The following ADARB2 variants were observed in gnomAD, a reference collection of about 807,000 sequenced individuals.
ADARB2 encodes adenosine deaminase RNA specific B2 (inactive), also known as inactive double-stranded RNA-specific editase B2.
A neutral mutation model predicts 62.2 loss-of-function variants in ADARB2; 25 were observed. That is an observed-to-expected ratio of 0.40 (90% CI 0.29 to 0.56). ADARB2 has a LOEUF of 0.56. Among genes scored for constraint, ADARB2 ranks in the 20% least tolerant of loss-of-function variants. ADARB2 has a pLI of 0.43. For synonymous variants in ADARB2, 572 were observed against 500.8 expected (o/e 1.14, Z -1.90); for missense variants, 1,071 against 1,077.4 (o/e 0.99, Z 0.08).
At chr10:1,559,223 C>T (rs990484155) in intron 1 of ADARB2, among the ~76,000 whole-genome samples, 6 of 152,218 alleles carry the variant, frequency 3.9e-5, no homozygotes, top group Non-Finnish European at 8.8e-5. Context: ...TGGAAATACA[C>T]ATTGCTGTGG....
At chr10:1,705,457 G>C (rs991613026) in intron 1 of ADARB2, among the ~76,000 whole-genome samples, 13 of 152,244 alleles carry the variant, frequency 8.5e-5, no homozygotes, top group Admixed American at 8.5e-4. Flanking sequence ...AGCAGCAGGA[G>C]GAGAGGCGGC....
At chr10:1,571,114 A>G (rs1392431135) in intron 1 of ADARB2, among the ~76,000 whole-genome samples, 1 of 152,138 alleles carries the variant, frequency 6.6e-6, no homozygotes, top group South Asian at 2.1e-4. Context: ...ATAATTTTTA[A>G]TGCACTCAGA....
chr10:1,310,223 C>A (rs776871996), intron 3 of ADARB2, among the ~76,000 whole-genome samples: 11 of 152,298 alleles, frequency 7.2e-5, no homozygotes, highest in Middle Eastern at 3.4e-3. Flanking sequence ...TTTGCATTTA[C>A]GCAGAGGTAC....
At chr10:1,224,600 T>C (rs547213226) in intron 6 of ADARB2, among the ~76,000 whole-genome samples, 9 of 152,328 alleles carry the variant, frequency 5.9e-5, no homozygotes, top group Admixed American at 1.3e-4. Flanking sequence ...GCTTCGAATG[T>C]GTCCCAGAGA....
At chr10:1,389,642 C>T (rs1832552028) in intron 1 of ADARB2, among the ~76,000 whole-genome samples, 1 of 151,936 alleles carries the variant, frequency 6.6e-6, no homozygotes, top group South Asian at 2.1e-4. Context: ...ACTTGGGAGG[C>T]TAAGGTTCAA....
intron 7 of ADARB2, among the ~76,000 whole-genome samples, chr10:1,210,555 G>A (rs1163792567): frequency 6.6e-6 from 1 of 152,186 alleles, no homozygotes; most frequent in Non-Finnish European, 1.5e-5. Context: ...CACGTGCTTC[G>A]CCTCCATAAA....
chr10:1,384,611 A>C (rs1285743922), intron 1 of ADARB2, among the ~76,000 whole-genome samples: 1 of 152,196 alleles, frequency 6.6e-6, no homozygotes, highest in Non-Finnish European at 1.5e-5. Context: ...ATTGTTCCTG[A>C]GAAAAGGAAA....
intron 3 of ADARB2, among the ~76,000 whole-genome samples, chr10:1,322,714 G>A (rs543668575): frequency 9.2e-5 from 14 of 152,174 alleles, no homozygotes; most frequent in Non-Finnish European, 1.3e-4. Flanking sequence ...AGAATGGAAA[G>A]TCTAGAAAAA....
intron 1 of ADARB2, among the ~76,000 whole-genome samples, chr10:1,453,165 C>T (rs976829373): frequency 6.6e-6 from 1 of 152,214 alleles, no homozygotes; most frequent in African/African-American, 2.4e-5. Context: ...ATCAGCAAGA[C>T]GTTAGACAAG....
intron 1 of ADARB2, among the ~76,000 whole-genome samples, chr10:1,457,805 C>T (rs886696733): frequency 9.2e-5 from 14 of 152,094 alleles, no homozygotes; most frequent in African/African-American, 3.1e-4. Flanking sequence ...TGTGGAATCT[C>T]ACCCTGACAA....
chr10:1,368,890 T>A (rs78454045), intron 2 of ADARB2, among the ~76,000 whole-genome samples: 2,157 of 12,812 alleles, frequency 0.17, 67 homozygotes, highest in Middle Eastern at 0.36. Flanking sequence ...GGGGCCGGGC[T>A]GGGTGAGGGT....
chr10:1,454,237 C>A (rs559932552), intron 1 of ADARB2, among the ~76,000 whole-genome samples: 1 of 152,252 alleles, frequency 6.6e-6, no homozygotes, highest in African/African-American at 2.4e-5. Flanking sequence ...GGGAAAGACC[C>A]ACCCCCATGA....
intron 8 of ADARB2, among the ~76,000 whole-genome samples, chr10:1,185,932 T>C (rs1836751733): frequency 6.6e-6 from 1 of 152,224 alleles, no homozygotes; most frequent in African/African-American, 2.4e-5. Flanking sequence ...ACTTTCTGGC[T>C]TCTAACTGTG....
At chr10:1,714,038 C>T (rs1173160821) in intron 1 of ADARB2, among the ~76,000 whole-genome samples, 1 of 152,226 alleles carries the variant, frequency 6.6e-6, no homozygotes, top group African/African-American at 2.4e-5. Context: ...CTTCAAAAAA[C>T]ATTTGATGGG....
At chr10:1,417,611 T>C (rs2805534) in intron 1 of ADARB2, among the ~76,000 whole-genome samples, 150,839 of 152,352 alleles carry the variant, frequency 0.99, 74,686 homozygotes, top group Middle Eastern at 1. Context: ...GCCTGACACA[T>C]GGACAGGAGT....
intron 1 of ADARB2, among the ~76,000 whole-genome samples, chr10:1,510,531 C>T (rs576183562): frequency 3.9e-5 from 6 of 152,118 alleles, no homozygotes; most frequent in African/African-American, 1.2e-4. Flanking sequence ...CACCCATTGC[C>T]GAATGATTAT....
intron 7 of ADARB2, among the ~76,000 whole-genome samples, chr10:1,209,660 G>A (rs981518696): frequency 7.1e-5 from 9 of 127,424 alleles, no homozygotes; most frequent in East Asian, 2.4e-4. Context: ...TGCCTGCACC[G>A]TCACCCACAC....
chr10:1,223,239 A>G (rs7394071), intron 6 of ADARB2, among the ~76,000 whole-genome samples: 39,439 of 151,854 alleles, frequency 0.26, 5,449 homozygotes, highest in African/African-American at 0.33. Flanking sequence ...GTGTATAAGA[A>G]TGCTTGTGAT....
chr10:1,622,768 T>G (rs1228354942), intron 1 of ADARB2, among the ~76,000 whole-genome samples: 1 of 152,224 alleles, frequency 6.6e-6, no homozygotes, highest in African/African-American at 2.4e-5. Flanking sequence ...ATTGTTTGTT[T>G]GTTTCTTAAA....
Sources: allele counts gnomAD v4.1 joint callset (sites outside exome capture counted in the v4.1 genomes callset), GRCh38; gene constraint gnomAD v4.1.1; transcripts MANE v1.5; gene names NCBI Gene and HGNC (gene_info 2026-07-23, HGNC 2026-07-21).